Variants in SCLT1 observed in about 807,000 individuals in gnomAD.
SCLT1 encodes sodium channel and clathrin linker 1, also known as sodium channel-associated protein 1.
In SCLT1, 78 loss-of-function variants were observed where a neutral mutation model predicts 112.8. The ratio of observed to expected loss-of-function variants is 0.69; its 90% CI spans 0.58 to 0.83. SCLT1 has a LOEUF of 0.83. Ranked by LOEUF, SCLT1 falls within the 40% of genes least tolerant of loss-of-function variation. SCLT1 has a pLI of 0.00. For synonymous variants in SCLT1, 257 were observed against 254.7 expected (o/e 1.01, Z -0.09); for missense variants, 747 against 770.4 (o/e 0.97, Z 0.36).
chr4:129,052,596 G>T (rs1748911526), intron 2 of SCLT1, among the ~76,000 whole-genome samples: 2 of 150,248 alleles, frequency 1.3e-5, no homozygotes, highest in Non-Finnish European at 3.0e-5. Context: ...ATTTTTTATT[G>T]TATCTATTTG....
At chr4:128,978,992 A>T (rs754226167) in intron 9 of SCLT1, among the ~76,000 whole-genome samples, 1 of 152,198 alleles carries the variant, frequency 6.6e-6, no homozygotes, top group East Asian at 1.9e-4. Context: ...TAAATAATCC[A>T]CTATTTATTA....
Position 128,891,085 on chromosome 4 carries a change from C to G in SCLT1, c.1882G>C (p.Glu628Gln). 1 of 1,612,976 alleles carries G rather than the reference C, an allele frequency of 6.2e-7. No homozygotes were observed. Among genetic ancestry groups the G allele is most frequent in the Non-Finnish European group, 8.5e-7 (1 of 1,179,382 alleles). ...LHTQELLSQL[E>Q]MANEKVAENE... ...TCAGCTACCTTTTCATTTGCCATTT[C>G]CAGCTGAGAAAGCAGCTCTTGGGTA... Residue 628 changes from glutamate to glutamine, a missense_variant, in exon 19 of 21, where the codon GAA (glutamate) becomes CAA (glutamine). Transcript: ENST00000281142.
chr4:128,893,343 G>A (rs147487593), intron 18 of SCLT1, among the ~76,000 whole-genome samples: 1 of 152,118 alleles, frequency 6.6e-6, no homozygotes, highest in Non-Finnish European at 1.5e-5. Flanking sequence ...TATATATCAA[G>A]CTCTGTCTCC....
chr4:128,889,730 G>A (rs1372819983), intron 19 of SCLT1, among the ~76,000 whole-genome samples: 2 of 152,100 alleles, frequency 1.3e-5, no homozygotes, highest in Non-Finnish European at 2.9e-5. Context: ...TTACTAGCCT[G>A]GTTATAGTAC....
chr4:128,884,956 T>A (rs1462321547), intron 20 of SCLT1, among the ~76,000 whole-genome samples: 1 of 152,250 alleles, frequency 6.6e-6, no homozygotes, highest in Non-Finnish European at 1.5e-5. Context: ...GTGATCATTT[T>A]AAAATTAATT....
rs191895336 is a variant in SCLT1 at position 129,009,289 on chromosome 4, G to A, written c.291-5413C>T. Among the ~76,000 whole-genome samples, 120 of 152,236 alleles carry A rather than the reference G, an allele frequency of 7.9e-4. 1 individual carries two copies. Among genetic ancestry groups the A allele is most frequent in the Middle Eastern group, 3.4e-3 (1 of 292 alleles). On this transcript the variant is annotated intron_variant, in intron 5 of 20. Transcript: ENST00000281142. ...CCAGCACTTTGGGAGGCCAAGGCAG[G>A]CAGATCATGAGGCAGATAGAGACCA...
intron 1 of SCLT1, among the ~76,000 whole-genome samples, chr4:129,088,917 C>A (rs1752613962): frequency 6.6e-6 from 1 of 152,154 alleles, no homozygotes; most frequent in South Asian, 2.1e-4. Context: ...AAAACCTAGG[C>A]AATACCATTC....
At chr4:129,079,541 T>G (rs979352351) in intron 2 of SCLT1, among the ~76,000 whole-genome samples, 2 of 152,130 alleles carry the variant, frequency 1.3e-5, no homozygotes, top group Non-Finnish European at 2.9e-5. Flanking sequence ...ATGCAAGGGG[T>G]GGGCTCCCAC....
intron 11 of SCLT1, 80 bp from the exon 12 acceptor site, chr4:128,959,857 A>G: frequency 9.6e-7 from 1 of 1,039,982 alleles, no homozygotes; most frequent in South Asian, 1.4e-5. Flanking sequence ...CTACTACAGG[A>G]CAGGTATTAT....
At chr4:129,006,142 T>C (rs1579670611) in intron 5 of SCLT1, among the ~76,000 whole-genome samples, 1 of 151,874 alleles carries the variant, frequency 6.6e-6, no homozygotes. Context: ...ATTGTGCACA[T>C]GTACCCTAAA....
downstream of SCLT1, among the ~76,000 whole-genome samples, chr4:128,879,021 T>C (rs1339806671): frequency 2.0e-5 from 3 of 151,680 alleles, no homozygotes; most frequent in African/African-American, 7.3e-5. Flanking sequence ...GAGATATAAC[T>C]AATGTAAATG....
intron 2 of SCLT1, among the ~76,000 whole-genome samples, chr4:129,064,314 A>G (rs995637707): frequency 5.9e-5 from 9 of 152,174 alleles, no homozygotes; most frequent in Non-Finnish European, 1.0e-4. Flanking sequence ...AGTTTTTAAC[A>G]TTAGTAAAGT....
intron 8 of SCLT1, chr4:128,997,355 A>G (rs1743098580): frequency 6.6e-6 from 1 of 151,970 alleles, no homozygotes; most frequent in African/African-American, 2.4e-5. Flanking sequence ...GGTAAAAATA[A>G]CATTCCAAGA....
chr4:128,873,273 G>GAAAAAAAAAAAAAAAAAAAAAAAA (rs1553953485), intron 5 of SCLT1: 1 of 78,652 alleles, frequency 1.3e-5, no homozygotes, highest in Non-Finnish European at 2.7e-5. Flanking sequence ...AAAAAAAAAA[G>GAAAAAAAAAAAAAAAAAAAAAAAA]AAAAAAAGAA....
Position 128,965,282 on chromosome 4 carries a change from C to T in SCLT1, c.814G>A (p.Ala272Thr), listed in dbSNP as rs766510060. 1.9e-6 allele frequency: 3 copies of T among 1,609,930 alleles called. No homozygotes were observed. Among genetic ancestry groups the T allele is most frequent in the South Asian group, 1.1e-5 (1 of 90,956 alleles). The change falls in exon 11 of 21, where the codon GCA (alanine) becomes ACA (threonine). Residue 272 changes from alanine (A) to threonine (T), a missense_variant. Physicochemically the swap from Ala to Thr is moderately conservative, Grantham distance 58. Coordinates refer to ENST00000281142, the MANE Select transcript of SCLT1 (RefSeq NM_144643.4). ...DVVSAHGREE[A>T]SDRRLQQLQS... Reference sequence around the variant, plus strand: ...AACTGCTGTAAACGCCTATCTGATGCTTCCTCTCTTCCATGGGCAGACACC... The same window carrying T: ...AACTGCTGTAAACGCCTATCTGATGTTTCCTCTCTTCCATGGGCAGACACC...
At chr4:129,030,733 C>T (rs976842708) in intron 5 of SCLT1, among the ~76,000 whole-genome samples, 5 of 152,248 alleles carry the variant, frequency 3.3e-5, no homozygotes, top group East Asian at 1.9e-4. Context: ...TTCCTGAACA[C>T]ATACACCCTC....
intron 2 of SCLT1, among the ~76,000 whole-genome samples, chr4:129,081,739 C>G (rs1450286070): frequency 6.6e-6 from 1 of 152,128 alleles, no homozygotes; most frequent in Non-Finnish European, 1.5e-5. Context: ...AGATCCAAAC[C>G]AGATTAAGTT....
chr4:129,083,229 A>C (rs1014180687), intron 1 of SCLT1, among the ~76,000 whole-genome samples: 9 of 151,570 alleles, frequency 5.9e-5, no homozygotes, highest in African/African-American at 2.2e-4. Context: ...AAAAAGAAAA[A>C]AAAGAAATAA....
At chr4:128,946,708 G>A (rs972614248) in intron 15 of SCLT1, among the ~76,000 whole-genome samples, 2 of 152,148 alleles carry the variant, frequency 1.3e-5, no homozygotes, top group African/African-American at 2.4e-5. Flanking sequence ...GATGAGTACC[G>A]TTCAATACAA....
Sources: gnomAD v4.1 joint callset for allele counts (sites outside exome capture counted in the v4.1 genomes callset) on GRCh38, gnomAD v4.1.1 for gene constraint, MANE v1.5 for transcripts, NCBI Gene and HGNC (gene_info 2026-07-23, HGNC 2026-07-21) for gene names.